TARDBP: variants seen among roughly 807,000 people sequenced by gnomAD.
TARDBP encodes TAR DNA binding protein.
In TARDBP, 4 loss-of-function variants were observed where a neutral mutation model predicts 38.3. That is an observed-to-expected ratio of 0.10 (90% CI 0.05 to 0.24). The LOEUF (loss-of-function observed/expected upper bound fraction) is 0.24. Ranked by LOEUF, TARDBP falls within the 10% of genes least tolerant of loss-of-function variation. The pLI is 1.00. For synonymous variants in TARDBP, 184 were observed against 183.8 expected (o/e 1.00, Z -0.01); for missense variants, 202 against 521.9 (o/e 0.39, Z 5.97).
chr1:11,021,271 T>G (rs2100854190), intron 5 of TARDBP, among the ~76,000 whole-genome samples: 1 of 152,158 alleles, frequency 6.6e-6, no homozygotes, highest in Non-Finnish European at 1.5e-5. Context: ...CCTGAGTAGC[T>G]GGGATTACAG....
rs775743535 is a variant in TARDBP, at chr1:11,016,886, T to C, written c.281T>C (p.Val94Ala). The C allele has an allele frequency of 6.2e-7, 1 of 1,614,118 alleles. No individual in the cohort carries two copies. The highest frequency in any genetic ancestry group is 8.5e-7 in the Non-Finnish European group (1 of 1,180,028). The change falls in exon 3 of 6, where the codon GTG becomes GCG. Residue 94 changes from valine to alanine, a missense_variant. Val to Ala is a moderately conservative substitution (Grantham distance 64). Transcript: ENST00000240185. ...GATGAGACAGATGCTTCATCAGCAG[T>C]GAAAGTGAAAAGAGCAGTCCAGAAA... ...KMDETDASSA[V>A]KVKRAVQKTS...
downstream of TARDBP, chr1:11,027,168 A>G (rs754123074): frequency 2.5e-6 from 4 of 1,614,070 alleles, no homozygotes; most frequent in Non-Finnish European, 3.4e-6. Context: ...TTGATGGTCA[A>G]CAATCGGTAT....
In TARDBP at chr1:11,023,439, T is replaced by C. The variant is rs1268769446; in HGVS notation, c.*785T>C. ...AAGGCTGTCTGAACTTTTGAAACCT[T>C]GTGTGGGATTGATGGTGGTGCCGAG... is the stretch of plus-strand genomic sequence containing the variant. On this transcript the variant is annotated 3_prime_UTR_variant, in exon 6 of 6. Transcript: ENST00000240185. 1 of 639,916 alleles carries C rather than the reference T, an allele frequency of 1.6e-6. No individual in the cohort carries two copies. Among genetic ancestry groups the C allele is most frequent in the Non-Finnish European group, 2.7e-6 (1 of 372,822 alleles). The allele number at this position is 639,916 out of a possible 1,614,324, so 39.6% of individuals were successfully genotyped here.
chr1:11,020,047 G>T (rs868101711), intron 4 of TARDBP, among the ~76,000 whole-genome samples: 3 of 151,406 alleles, frequency 2.0e-5, no homozygotes, highest in Admixed American at 6.6e-5. Context: ...TATTAGTAGA[G>T]GTGGGGTTTC....
downstream of TARDBP, chr1:11,026,067 C>G (rs1643727762): frequency 1.3e-5 from 2 of 154,822 alleles, no homozygotes; most frequent in Admixed American, 1.3e-4. Flanking sequence ...GTGGAAATGC[C>G]ATGTTTTGAT....
chr1:11,023,010 T>G lies in TARDBP; in HGVS notation c.*356T>G, dbSNP rs1377689840. ...CATGTTCAAAACGGAAACCATTGAT[T>G]AGAACTACATTCTTTACCCCTTGTT... On this transcript the variant is annotated 3_prime_UTR_variant, in exon 6 of 6. Coordinates refer to ENST00000240185, the MANE Select transcript of TARDBP (RefSeq NM_007375.4). The G allele has an allele frequency of 1.1e-5, 15 of 1,416,024 alleles. No homozygotes were observed. Among genetic ancestry groups the G allele is most frequent in the East Asian group, 2.6e-5 (1 of 38,936 alleles). The allele number at this position is 1,416,024 out of a possible 1,614,324, so 87.7% of individuals were successfully genotyped here.
Position 11,022,834 on chromosome 1 carries a change from T to C in TARDBP, c.*180T>C. On this transcript the variant is annotated 3_prime_UTR_variant, in exon 6 of 6. Transcript: ENST00000240185. The surrounding 1 kb of genome is among the most constrained non-coding windows in gnomAD (Gnocchi z 4.5). ...TTAGAAAAAGGAAGAGCTAAAGGAA[T>C]TTTATAAGTTTTGTTACATGAAAGG... is the stretch of plus-strand genomic sequence containing the variant. 3 of 1,373,930 alleles carry C rather than the reference T, an allele frequency of 2.2e-6. No homozygotes were observed. Among genetic ancestry groups the C allele is most frequent in the Non-Finnish European group, 2.8e-6 (3 of 1,063,248 alleles). The allele number at this position is 1,373,930 out of a possible 1,614,324, so 85.1% of individuals were successfully genotyped here. A position where few individuals can be genotyped will look rare whatever the true frequency, so the allele number is the denominator to read the frequency against.
downstream of TARDBP, among the ~76,000 whole-genome samples, chr1:11,028,943 G>C (rs1352747200): frequency 6.7e-6 from 1 of 149,512 alleles, no homozygotes; most frequent in African/African-American, 2.5e-5. Context: ...TTGATCTCCT[G>C]ACCTCACGAT....
downstream of TARDBP, chr1:11,027,313 T>C (rs766303576): frequency 6.8e-5 from 109 of 1,613,946 alleles, no homozygotes; most frequent in Non-Finnish European, 8.2e-5. Flanking sequence ...ATGTTGCTAT[T>C]GATTACAACT....
At chr1:11,026,600 C>T (rs1389133573), downstream of TARDBP, 1 of 259,018 alleles carries the variant, frequency 3.9e-6, no homozygotes, top group Non-Finnish European at 7.2e-6. Context: ...TGAAAAGAGA[C>T]TGGCTTTTTA....
chr1:11,018,214 T>C (rs1186961342), intron 3 of TARDBP, among the ~76,000 whole-genome samples: 2 of 151,710 alleles, frequency 1.3e-5, no homozygotes, highest in Non-Finnish European at 2.9e-5. Flanking sequence ...GGAGACAGGG[T>C]CTGGCTCTGT....
rs1165333760 is a variant in TARDBP, at chr1:11,023,155, C to T, written c.*501C>T. On this transcript the variant is annotated 3_prime_UTR_variant, in exon 6 of 6. Transcript: ENST00000240185. ...TTTAACACTTGTCTCCCCTCATACA[C>T]AAAAGTACAATATGAAGCCTTCATT... The T allele has an allele frequency of 1.6e-5, 24 of 1,548,204 alleles. No homozygotes were observed. The highest frequency in any genetic ancestry group is 2.1e-5 in the Non-Finnish European group (24 of 1,145,432).
intron 1 of TARDBP, 44 bp downstream of exon 1, chr1:11,012,787 G>A (rs1296744772): frequency 6.6e-6 from 1 of 152,334 alleles, no homozygotes; most frequent in East Asian, 1.9e-4. Flanking sequence ...TAGGTGCCTC[G>A]GCTTCTGCAT....
intron 5 of TARDBP, 55 bp downstream of exon 5, chr1:11,020,654 A>T: frequency 6.6e-7 from 1 of 1,505,904 alleles, no homozygotes; most frequent in Non-Finnish European, 8.8e-7. Flanking sequence ...CATGCTTACA[A>T]TCCCAGCACT....
At chr1:11,030,306 T>C (rs1315298887), downstream of TARDBP, 3 of 1,206,016 alleles carry the variant, frequency 2.5e-6, no homozygotes, top group African/African-American at 4.5e-5. Flanking sequence ...ATGGTTGTCA[T>C]TTGCTTGAAT....
chr1:11,026,949 T>C, downstream of TARDBP: 1 of 1,540,002 alleles, frequency 6.5e-7, no homozygotes, highest in African/African-American at 1.4e-5. Flanking sequence ...GTAGACTCCA[T>C]ACTGACCTGC....
downstream of TARDBP, chr1:11,026,840 C>T (rs1381979437): frequency 1.4e-6 from 2 of 1,445,506 alleles, no homozygotes; most frequent in African/African-American, 2.9e-5. Flanking sequence ...AAGGTCTTCA[C>T]AGGCATTTCT....
downstream of TARDBP, chr1:11,027,353 A>G (rs1260637417): frequency 2.5e-6 from 4 of 1,614,082 alleles, no homozygotes; most frequent in Admixed American, 1.7e-5. Context: ...GTGCTATGTC[A>G]TTGTCAAAGC....
chr1:11,030,238 C>T (rs754304869), downstream of TARDBP: 1 of 1,613,312 alleles, frequency 6.2e-7, no homozygotes, highest in Admixed American at 1.7e-5. Context: ...ATCAGCCTCA[C>T]ACACATATTT....
Sources: gnomAD v4.1 joint callset for allele counts (sites outside exome capture counted in the v4.1 genomes callset) on GRCh38, gnomAD v4.1.1 for gene constraint, Gnocchi (gnomAD v3.1) non-coding constraint, MANE v1.5 for transcripts, NCBI Gene and HGNC (gene_info 2026-07-23, HGNC 2026-07-21) for gene names.